Variants in ZC3H12B observed in about 807,000 individuals in gnomAD.
ZC3H12B encodes the protein probable ribonuclease ZC3H12B.
ZC3H12B carries 7 observed loss-of-function variants against 43.9 expected under a neutral mutation model. That is an observed-to-expected ratio of 0.16 (90% CI 0.09 to 0.30). The LOEUF (loss-of-function observed/expected upper bound fraction) is 0.30, where lower values mean the gene tolerates loss of function less well. Ranked by LOEUF, ZC3H12B falls within the 10% of genes least tolerant of loss-of-function variation. The pLI is 1.00. For missense variants in ZC3H12B, 475 were observed against 670.2 expected (o/e 0.71, Z 3.22); for synonymous variants, 222 against 241.7 (o/e 0.92, Z 0.76).
chrX:65,364,803 G>A (rs925958503), upstream of ZC3H12B, among the ~76,000 whole-genome samples: 1 of 111,085 alleles, frequency 9.0e-6, no homozygotes, highest in Non-Finnish European at 1.9e-5. Flanking sequence ...TACTCCTCAG[G>A]GATTGTTCAG....
the ZC3H12B span, among the ~76,000 whole-genome samples, chrX:65,222,651 A>G: frequency 1.0e-5 from 1 of 96,023 alleles, no homozygotes; most frequent in Non-Finnish European, 2.1e-5. Flanking sequence ...TAATAATAAT[A>G]AAACACTTAG....
the ZC3H12B span, among the ~76,000 whole-genome samples, chrX:65,148,841 G>A: frequency 8.9e-6 from 1 of 111,764 alleles, no homozygotes; most frequent in South Asian, 3.7e-4. Flanking sequence ...TACTCAAATT[G>A]ATGTTACTCT....
chrX:65,299,878 C>A, the ZC3H12B span, among the ~76,000 whole-genome samples: 1 of 112,539 alleles, frequency 8.9e-6, no homozygotes, highest in Non-Finnish European at 1.9e-5. Flanking sequence ...AACACACATC[C>A]TTACTGGGGA....
the ZC3H12B span, among the ~76,000 whole-genome samples, chrX:65,215,644 C>T: frequency 3.6e-5 from 4 of 111,330 alleles, no homozygotes; most frequent in Admixed American, 9.6e-5. Flanking sequence ...AAGGCTGTTT[C>T]AATTTTTTAT....
the ZC3H12B span, among the ~76,000 whole-genome samples, chrX:65,070,259 A>C: frequency 6.8e-4 from 75 of 110,281 alleles, no homozygotes; most frequent in African/African-American, 2.4e-3. Context: ...CCTGATGGTT[A>C]TTTTTATTTC....
At chrX:65,115,000 G>T in the ZC3H12B span, among the ~76,000 whole-genome samples, 1 of 64,622 alleles carries the variant, frequency 1.5e-5, no homozygotes. Flanking sequence ...TAAAATTTTT[G>T]TGGGTACATA....
At chrX:65,120,698 G>C in the ZC3H12B span, among the ~76,000 whole-genome samples, 1 of 111,357 alleles carries the variant, frequency 9.0e-6, no homozygotes, top group African/African-American at 3.3e-5. Context: ...GAATAGGAGT[G>C]GTGACAGAGG....
chrX:65,380,646 A>G (rs1334491255), intron 2 of ZC3H12B, among the ~76,000 whole-genome samples: 3 of 112,138 alleles, frequency 2.7e-5, no homozygotes, highest in Non-Finnish European at 5.6e-5. Flanking sequence ...TGCTCCAATT[A>G]AAAGACACAG....
At chrX:65,416,321 G>T (rs1280580266) in intron 3 of ZC3H12B, among the ~76,000 whole-genome samples, 8 of 111,210 alleles carry the variant, frequency 7.2e-5, no homozygotes, top group Non-Finnish European at 1.5e-4. Flanking sequence ...GTTGCTTCTT[G>T]CTGTTACTGG....
the ZC3H12B span, among the ~76,000 whole-genome samples, chrX:65,096,468 A>T: frequency 8.9e-6 from 1 of 112,420 alleles, no homozygotes; most frequent in African/African-American, 3.2e-5. Context: ...AAGCAGAGAC[A>T]TGGAAATTCT....
At chrX:65,339,310 C>T in the ZC3H12B span, among the ~76,000 whole-genome samples, 7 of 111,627 alleles carry the variant, frequency 6.3e-5, no homozygotes, top group Non-Finnish European at 1.1e-4. Flanking sequence ...GTCTACAGTG[C>T]ACCAGGACTC....
chrX:65,168,035 C>T, the ZC3H12B span, among the ~76,000 whole-genome samples: 4 of 111,751 alleles, frequency 3.6e-5, no homozygotes, highest in Non-Finnish European at 7.5e-5. Flanking sequence ...GTTTCTTCCT[C>T]CTGCCTGATT....
the ZC3H12B span, among the ~76,000 whole-genome samples, chrX:65,238,991 T>A: frequency 1.8e-5 from 2 of 111,942 alleles, no homozygotes; most frequent in Non-Finnish European, 3.8e-5. Flanking sequence ...CTGAGGAGTG[T>A]TTTATTTCCG....
At chrX:65,221,593 G>A in the ZC3H12B span, among the ~76,000 whole-genome samples, 209 of 110,845 alleles carry the variant, frequency 1.9e-3, no homozygotes, top group African/African-American at 6.5e-3. Flanking sequence ...AAACCTAGAG[G>A]AAATGGATAA....
chrX:65,468,435 G>A (rs1423499544), intron 3 of ZC3H12B, among the ~76,000 whole-genome samples: 4 of 109,215 alleles, frequency 3.7e-5, no homozygotes, highest in South Asian at 3.9e-4. Context: ...TTGACTATTC[G>A]GGTTTGTTTT....
the ZC3H12B span, among the ~76,000 whole-genome samples, chrX:65,056,348 C>G: frequency 9.0e-6 from 1 of 111,513 alleles, no homozygotes; most frequent in Admixed American, 9.5e-5. Flanking sequence ...TCCTTATGTA[C>G]CCAGTAGTCA....
the ZC3H12B span, among the ~76,000 whole-genome samples, chrX:65,192,853 G>A: frequency 3.5e-4 from 39 of 111,331 alleles, no homozygotes; most frequent in Admixed American, 3.2e-3. Context: ...GAGTGCAGTG[G>A]CACAATCTCG....
the ZC3H12B span, among the ~76,000 whole-genome samples, chrX:65,177,398 A>G: frequency 8.9e-6 from 1 of 112,167 alleles, no homozygotes; most frequent in Non-Finnish European, 1.9e-5. Flanking sequence ...CACAACTCCT[A>G]TTCAACATAG....
chrX:65,114,767 C>A, the ZC3H12B span, among the ~76,000 whole-genome samples: 1 of 109,264 alleles, frequency 9.2e-6, no homozygotes, highest in Non-Finnish European at 1.9e-5. Context: ...TTACTATTTC[C>A]TTTCTTTCAC....
Sources: gnomAD v4.1 joint callset for allele counts (sites outside exome capture counted in the v4.1 genomes callset) on GRCh38, gnomAD v4.1.1 for gene constraint, MANE v1.5 for transcripts, NCBI Gene and HGNC (gene_info 2026-07-23, HGNC 2026-07-21) for gene names.